GPR160: variants seen among roughly 807,000 people sequenced by gnomAD.
The protein encoded by GPR160 is G protein-coupled receptor 160.
GPR160 carries 2 observed loss-of-function variants against 2.6 expected under a neutral mutation model. That is an observed-to-expected ratio of 0.77 (90% CI 0.32 to 2.44). The LOEUF (loss-of-function observed/expected upper bound fraction) is 2.44. GPR160 is among the 30% of genes most tolerant of loss of function. The pLI is 0.11. For synonymous variants in GPR160, 130 were observed against 132.2 expected, an observed-to-expected ratio of 0.98 and a Z score of 0.12; for missense variants, 351 against 383.6, an observed-to-expected ratio of 0.91 and a Z score of 0.71.
At chr3:170,052,350 C>A (rs1275695980) in intron 2 of GPR160, among the ~76,000 whole-genome samples, 1 of 152,204 alleles carries the variant, frequency 6.6e-6, no homozygotes, top group Non-Finnish European at 1.5e-5. Context: ...CAAACAGCAG[C>A]GTATAGGAGT....
intron 2 of GPR160, among the ~76,000 whole-genome samples, chr3:170,074,485 C>CTTAT (rs1202007553): frequency 1.3e-5 from 2 of 151,126 alleles, no homozygotes; most frequent in African/African-American, 4.9e-5. Flanking sequence ...ATTTCCTTTG[C>CTTAT]TTATTTATTT....
intron 2 of GPR160, among the ~76,000 whole-genome samples, chr3:170,063,552 CA>C (rs528295183): frequency 7.6e-5 from 6 of 78,940 alleles, no homozygotes; most frequent in African/African-American, 2.4e-4. Flanking sequence ...ACAAAAAAAG[CA>C]AAAAAAAAAA....
At chr3:170,078,878 G>A (rs1248866116) in intron 2 of GPR160, among the ~76,000 whole-genome samples, 18 of 152,120 alleles carry the variant, frequency 1.2e-4, no homozygotes, top group Admixed American at 1.2e-3. Flanking sequence ...AAAGGAGCAG[G>A]CCTTCTGGAA....
At chr3:170,069,237 A>T (rs924531158) in intron 2 of GPR160, among the ~76,000 whole-genome samples, 4 of 152,136 alleles carry the variant, frequency 2.6e-5, no homozygotes, top group Admixed American at 2.6e-4. Context: ...CTAACTGCTT[A>T]TTTCATTTGC....
chr3:170,064,132 G>A (rs1014726502), intron 2 of GPR160, among the ~76,000 whole-genome samples: 3 of 152,174 alleles, frequency 2.0e-5, no homozygotes. Context: ...TTGTAGAAGA[G>A]ATTGAGATGA....
intron 2 of GPR160, among the ~76,000 whole-genome samples, chr3:170,048,294 AAAAC>A (rs1176098216): frequency 1.3e-5 from 2 of 152,198 alleles, no homozygotes; most frequent in African/African-American, 4.8e-5. Flanking sequence ...TGAGGGATGA[AAAAC>A]AACCTATTAG....
intron 2 of GPR160, among the ~76,000 whole-genome samples, chr3:170,051,474 C>G (rs562732475): frequency 1.4e-3 from 209 of 152,260 alleles, no homozygotes; most frequent in Non-Finnish European, 2.4e-3. Flanking sequence ...CCTGTAATCT[C>G]AGCACTTTGG....
At chr3:170,043,758 A>G (rs1206777982) in intron 2 of GPR160, among the ~76,000 whole-genome samples, 1 of 152,132 alleles carries the variant, frequency 6.6e-6, no homozygotes, top group Non-Finnish European at 1.5e-5. Flanking sequence ...GGCATGGGTC[A>G]CATCTGACCA....
Position 170,060,235 on chromosome 3 carries a change from A to G in GPR160, c.-192-19539A>G, listed in dbSNP as rs368818010. ...GAATGATGGCAGTGAATTATAACAC[A>G]TTTAATAAAAATAAATCAATGAATC... On this transcript the variant is annotated intron_variant, in intron 2 of 3. Transcript: ENST00000355897. 3.9e-4 allele frequency among the ~76,000 whole-genome samples: 60 copies of G among 152,368 alleles called. 2 individuals are homozygous for G. In the South Asian group the frequency reaches 0.012, roughly 30 times the overall value.
intron 2 of GPR160, chr3:170,057,366 T>C (rs1711699014): frequency 6.6e-6 from 1 of 152,180 alleles, no homozygotes; most frequent in Non-Finnish European, 1.5e-5. Context: ...ATTGAAAACT[T>C]TTCTCAATAC....
At chr3:170,055,549 C>T (rs2108320282) in intron 2 of GPR160, among the ~76,000 whole-genome samples, 1 of 152,186 alleles carries the variant, frequency 6.6e-6, no homozygotes, top group South Asian at 2.1e-4. Context: ...ATGCTTAGGC[C>T]GTTTATTTTG....
chr3:170,059,699 G>A (rs1276634867), intron 2 of GPR160, among the ~76,000 whole-genome samples: 4 of 151,832 alleles, frequency 2.6e-5, no homozygotes, highest in Admixed American at 2.6e-4. Flanking sequence ...CAGCTTTTAA[G>A]TTCAGGGGTA....
intron 2 of GPR160, among the ~76,000 whole-genome samples, chr3:170,050,434 G>A (rs1716909949): frequency 6.7e-6 from 1 of 149,296 alleles, no homozygotes; most frequent in Non-Finnish European, 1.5e-5. Flanking sequence ...TTGAGACGGA[G>A]TTTTGCTCTT....
rs368019452 is a variant in GPR160 at position 170,045,408 on chromosome 3, C to CAAAAAAAAAAAAAAAAAAAAAAAAA, written c.-193+6380_-193+6404dup. On this transcript the variant is annotated intron_variant, in intron 2 of 3. Transcript: ENST00000355897. ...TGAAACCCTGTCTCTACTAAAAATA[C>CAAAAAAAAAAAAAAAAAAAAAAAAA]AAAAAAAAAAAAAAAAAAAAAAAAA... Among the ~76,000 whole-genome samples, 5 of 33,658 alleles carry CAAAAAAAAAAAAAAAAAAAAAAAAA rather than the reference C, an allele frequency of 1.5e-4. 2 individuals carry two copies. Among genetic ancestry groups the CAAAAAAAAAAAAAAAAAAAAAAAAA allele is most frequent in the Admixed American group, 1.1e-3 (2 of 1,872 alleles). The allele number at this position is 33,658 out of a possible 152,430, so 22.1% of individuals were successfully genotyped here. A position where few individuals can be genotyped will look rare whatever the true frequency, so the allele number is the denominator to read the frequency against.
intron 2 of GPR160, among the ~76,000 whole-genome samples, chr3:170,073,631 G>T (rs1712706754): frequency 6.6e-6 from 1 of 152,032 alleles, no homozygotes; most frequent in Admixed American, 6.5e-5. Flanking sequence ...TGTATTGATG[G>T]ATTCAGTTTG....
At chr3:170,071,873 A>G (rs1233703057) in intron 2 of GPR160, among the ~76,000 whole-genome samples, 1 of 152,100 alleles carries the variant, frequency 6.6e-6, no homozygotes, top group African/African-American at 2.4e-5. Context: ...ATGGCCTAAC[A>G]TAACATGTTT....
In GPR160 at chr3:170,079,831, C is replaced by T. The variant is rs1455183986; in HGVS notation, c.-135C>T. The T allele has an allele frequency of 6.6e-6, 1 of 152,204 alleles. No individual in the cohort carries two copies. Among genetic ancestry groups the T allele is most frequent in the African/African-American group, 2.4e-5 (1 of 41,434 alleles). 9.4% of individuals were successfully genotyped at this position (152,204 alleles called of 1,614,324 possible). ...ATGAAATGCAAGGAACCAAAAATAA[C>T]ATAATTGAAGGCAGTAAAAGTGAAA... On this transcript the variant is annotated 5_prime_UTR_variant, in exon 3 of 4. Transcript: ENST00000355897.
rs768660597 is a variant in GPR160, at chr3:170,066,130, C to CTTTTTTTTT, written c.-192-13624_-192-13616dup. Among the ~76,000 whole-genome samples, 69 of 85,216 alleles carry CTTTTTTTTT rather than the reference C, an allele frequency of 8.1e-4. 1 individual carries two copies. The highest frequency in any genetic ancestry group is 1.4e-3 in the African/African-American group (28 of 19,458). 55.9% of individuals were successfully genotyped at this position (85,216 alleles called of 152,430 possible). ...ACTTGACACTATTCTTTTTCTTTTT[C>CTTTTTTTTT]TTTTTTTTTTTTTTTTTTTTTTTTT... On this transcript the variant is annotated intron_variant, in intron 2 of 3. Coordinates refer to ENST00000355897, the MANE Select transcript of GPR160 (RefSeq NM_014373.3).
chr3:170,054,501 T>C (rs1711534729), intron 2 of GPR160, among the ~76,000 whole-genome samples: 2 of 152,194 alleles, frequency 1.3e-5, no homozygotes, highest in South Asian at 4.1e-4. Context: ...CATTTTTAAG[T>C]GTACAGGTCA....
Sources: gnomAD v4.1 joint callset for allele counts (sites outside exome capture counted in the v4.1 genomes callset) on GRCh38, gnomAD v4.1.1 for gene constraint, MANE v1.5 for transcripts, NCBI Gene and HGNC (gene_info 2026-07-23, HGNC 2026-07-21) for gene names.